WHRN: variants seen among roughly 807,000 people sequenced by gnomAD.
WHRN encodes the protein whirlin, also known as CASK-interacting protein CIP98.
In WHRN, 41 loss-of-function variants were observed where a neutral mutation model predicts 68.3. The ratio of observed to expected loss-of-function variants is 0.60; its 90% CI spans 0.47 to 0.78. The LOEUF (loss-of-function observed/expected upper bound fraction) is 0.78. Ranked by LOEUF, WHRN falls within the 30% of genes least tolerant of loss-of-function variation. The pLI is 0.00. For missense variants in WHRN, 1,243 were observed against 1,244.7 expected (o/e 1.00, Z 0.02); for synonymous variants, 560 against 561.3 (o/e 1.00, Z 0.03).
intron 3 of WHRN, among the ~76,000 whole-genome samples, chr9:114,461,239 T>G (rs1236547830): frequency 6.6e-6 from 1 of 152,206 alleles, no homozygotes; most frequent in East Asian, 1.9e-4. Flanking sequence ...GAATATTTGC[T>G]CCATTCAGAC....
chr9:114,495,485 G>C (rs1843376460), intron 1 of WHRN, among the ~76,000 whole-genome samples: 1 of 152,148 alleles, frequency 6.6e-6, no homozygotes, highest in Non-Finnish European at 1.5e-5. Flanking sequence ...GGAGAAAGTG[G>C]GGAACAAGAG....
At chr9:114,422,408 TAAC>T (rs1362958399) in intron 7 of WHRN, among the ~76,000 whole-genome samples, 4 of 152,180 alleles carry the variant, frequency 2.6e-5, no homozygotes, top group Admixed American at 2.6e-4. Context: ...CCAAGACAGG[TAAC>T]AATGCATATG....
chr9:114,453,262 T>C (rs1462040206), intron 3 of WHRN, among the ~76,000 whole-genome samples: 2 of 152,096 alleles, frequency 1.3e-5, no homozygotes, highest in Non-Finnish European at 2.9e-5. Context: ...TCCCAGGCTC[T>C]TTTAAACAAC....
chr9:114,440,551 A>C (rs959056216), intron 3 of WHRN, among the ~76,000 whole-genome samples: 1 of 152,234 alleles, frequency 6.6e-6, no homozygotes, highest in Non-Finnish European at 1.5e-5. Context: ...TAAAAAATTA[A>C]GATTTATCAA....
At chr9:114,432,562 C>T (rs775187397) in intron 3 of WHRN, among the ~76,000 whole-genome samples, 6 of 152,228 alleles carry the variant, frequency 3.9e-5, no homozygotes, top group Admixed American at 2.0e-4. Flanking sequence ...ATTCTACACT[C>T]TGTCACTTAC....
At chr9:114,477,128 C>T (rs929870973) in intron 2 of WHRN, among the ~76,000 whole-genome samples, 3 of 152,242 alleles carry the variant, frequency 2.0e-5, no homozygotes, top group African/African-American at 7.2e-5. Context: ...CCTGCTGCCG[C>T]TCACCTCCAA....
chr9:114,420,177 A>G (rs182241255), intron 7 of WHRN, among the ~76,000 whole-genome samples: 2 of 152,276 alleles, frequency 1.3e-5, no homozygotes, highest in Admixed American at 1.3e-4. Flanking sequence ...ACACGCGCAC[A>G]CACACATGCA....
chr9:114,504,570 G>T lies in WHRN; in HGVS notation c.232C>A (p.Leu78Met), dbSNP rs992109048. 6.2e-6 allele frequency: 10 copies of T among 1,611,506 alleles called. No individual in the cohort carries two copies. The East Asian group carries it at 2.2e-4, about 36-fold the overall frequency. Residue 78 changes from leucine (L) to methionine (M), a missense_variant, in exon 1 of 12, where the codon CTG becomes ATG. Transcript: ENST00000362057. The stretch of plus-strand genomic sequence containing the variant: ...ACCGGACTGTCCAGCAGCACGCGCA[G>T]GGTGCGCACCAGGTCGAAGACGTTG... ...RRNVFDLVRT[L>M]RVLLDSPVKR... is the part of the protein sequence containing the mutation.
rs886063370 is a variant in WHRN, at chr9:114,403,933, G to A, written c.2381C>T (p.Pro794Leu). 13 of 1,611,046 alleles carry A rather than the reference G, an allele frequency of 8.1e-6. No homozygotes were observed. Among genetic ancestry groups the A allele is most frequent in the Non-Finnish European group, 1.1e-5 (13 of 1,180,008 alleles). The stretch of plus-strand genomic sequence containing the variant: ...CCCATCTGTGGGCCTCTCGTTCCGA[G>A]GCAGCTCCTTGCTACTCCTGCTCTT... ...STKSRSSKELPRNERPTDGAN... is the reference protein window; with the variant it reads ...STKSRSSKELLRNERPTDGAN... Residue 794 changes from proline (P) to leucine (L), a missense_variant, in exon 10 of 12, where the codon CCT becomes CTT. Physicochemically the swap from Pro to Leu is moderately conservative, Grantham distance 98. Coordinates refer to ENST00000362057, the MANE Select transcript of WHRN (RefSeq NM_015404.4).
At position 114,406,910 on chromosome 9, in the gene WHRN, A is replaced by G. The variant is rs1444100075; in HGVS notation, c.1699-18T>C. 6.4e-7 allele frequency: 1 copy of G among 1,557,652 alleles called. No individual in the cohort carries two copies. Among genetic ancestry groups the G allele is most frequent in the Non-Finnish European group, 8.7e-7 (1 of 1,150,846 alleles). ...ACATCATCCTGCCAAAAGACCCAAC[A>G]GGCGGAGAAGGAGTCAGACCCCATC... On this transcript the variant is annotated intron_variant, in intron 8 of 11. Coordinates refer to ENST00000362057, the MANE Select transcript of WHRN (RefSeq NM_015404.4).
In WHRN at chr9:114,504,261, C is replaced by T. The variant is rs778340587; in HGVS notation, c.541G>A (p.Gly181Arg). The T allele has an allele frequency of 5.0e-6, 8 of 1,614,168 alleles. No individual in the cohort carries two copies. The highest frequency in any genetic ancestry group is 4.5e-5 in the East Asian group (2 of 44,884). ...AGAATCTGGTCCCCGACCCGCAGTCCTTCCTTCTCAGCTAGAGAGCCTGGT... is the reference window on the plus strand; with the variant it reads ...AGAATCTGGTCCCCGACCCGCAGTCTTTCCTTCTCAGCTAGAGAGCCTGGT... Reference protein sequence around the residue: ...VEPGSLAEKEGLRVGDQILRV... With the variant: ...VEPGSLAEKERLRVGDQILRV... The change falls in exon 1 of 12, where the codon GGA (glycine) becomes AGA (arginine). Residue 181 changes from glycine to arginine, a missense_variant. Coordinates refer to ENST00000362057, the MANE Select transcript of WHRN (RefSeq NM_015404.4).
intron 1 of WHRN, among the ~76,000 whole-genome samples, chr9:114,502,757 A>G (rs771655517): frequency 3.9e-5 from 6 of 152,220 alleles, no homozygotes; most frequent in African/African-American, 7.2e-5. Flanking sequence ...AACTGAATCC[A>G]CATTTACAAA....
chr9:114,478,531 C>T (rs1390339819), intron 2 of WHRN, 22 bp downstream of exon 2: 6 of 1,613,556 alleles, frequency 3.7e-6, no homozygotes, highest in Non-Finnish European at 5.1e-6. Flanking sequence ...AGAGGCTGGC[C>T]TCCTTTCCCC....
intron 3 of WHRN, among the ~76,000 whole-genome samples, chr9:114,460,034 C>G (rs1189404061): frequency 6.6e-6 from 1 of 152,132 alleles, no homozygotes; most frequent in African/African-American, 2.4e-5. Context: ...GCAGTTGGTC[C>G]CCAGGAGCAG....
intron 3 of WHRN, among the ~76,000 whole-genome samples, chr9:114,443,308 T>C (rs758481496): frequency 7.9e-5 from 12 of 152,168 alleles, no homozygotes; most frequent in Non-Finnish European, 1.3e-4. Flanking sequence ...GGGTCAGAAA[T>C]CTAACATAGG....
intron 7 of WHRN, among the ~76,000 whole-genome samples, chr9:114,418,007 G>A (rs987666845): frequency 2.6e-5 from 4 of 152,172 alleles, no homozygotes; most frequent in Admixed American, 1.3e-4. Context: ...GAGACAGAGT[G>A]GAGTACCGGT....
rs777780045 is a variant in WHRN at position 114,403,274 on chromosome 9, G to A, written c.2484C>T (p.Ile828=). Residue 828 remains isoleucine (I), a synonymous_variant, in exon 11 of 12, where the codon ATC becomes ATT. Transcript: ENST00000362057. The part of the protein sequence containing the change: ...RVKKSAATLG[I]AIEGGANTRQ... Reference sequence around the variant, plus strand: ...GGGTGTTGGCGCCACCCTCGATGGCGATGCCCAGGGTGGCCGCACTTTTCT... The same window carrying A: ...GGGTGTTGGCGCCACCCTCGATGGCAATGCCCAGGGTGGCCGCACTTTTCT... 9.3e-6 allele frequency: 15 copies of A among 1,614,038 alleles called. No individual in the cohort carries two copies. The highest frequency in any genetic ancestry group is 8.9e-5 in the East Asian group (4 of 44,886).
intron 1 of WHRN, among the ~76,000 whole-genome samples, chr9:114,483,068 C>A (rs549797984): frequency 6.6e-6 from 1 of 152,206 alleles, no homozygotes. Flanking sequence ...GAAACTCAGA[C>A]AGCCACTCAA....
chr9:114,472,427 C>T lies in WHRN; in HGVS notation c.838-6035G>A, dbSNP rs188632932. On this transcript the variant is annotated intron_variant, in intron 2 of 11. Transcript: ENST00000362057. ...CCTGGAGCACTCTGCCCAGATAGGA[C>T]GGATCCGTGTATGATCATTTCCTTG... Among the ~76,000 whole-genome samples the T allele has an allele frequency of 8.5e-5, 13 of 152,324 alleles. No homozygotes were observed. The East Asian group carries it at 9.6e-4, about 11-fold the overall frequency.
Sources: allele counts gnomAD v4.1 joint callset (sites outside exome capture counted in the v4.1 genomes callset), GRCh38; gene constraint gnomAD v4.1.1; transcripts MANE v1.5; gene names NCBI Gene and HGNC (gene_info 2026-07-23, HGNC 2026-07-21).